The following IER2 variants were observed in gnomAD, a reference collection of about 807,000 sequenced individuals.
IER2 encodes the protein immediate early response gene 2 protein.
For synonymous variants in IER2, 198 were observed against 149.6 expected (o/e 1.32, Z -2.36); for missense variants, 372 against 325.4 (o/e 1.14, Z -1.10).
chr19:13,151,242 G>A (rs1177637381), intron 1 of IER2, among the ~76,000 whole-genome samples: 2 of 152,034 alleles, frequency 1.3e-5, no homozygotes, highest in East Asian at 1.9e-4. Context: ...ATAGCGCCTG[G>A]GCTGGGGAAA....
Position 13,153,596 on chromosome 19 carries a change from C to G in IER2, c.410C>G (p.Pro137Arg), listed in dbSNP as rs746387526. The change falls in exon 2 of 2, where the codon CCG becomes CGG. Residue 137 changes from proline to arginine, a missense_variant. Physicochemically the swap from Pro to Arg is moderately radical, Grantham distance 103. Transcript: ENST00000292433. ...GACGGCGGGGACGCTGGACTGGTCC[C>G]GAGCAAGAAAGCCCGTCTGGAAGAA... ...LSDGGDAGLV[P>R]SKKARLEEKE... 3 of 1,608,008 alleles carry G rather than the reference C, an allele frequency of 1.9e-6. No homozygotes were observed. Among genetic ancestry groups the G allele is most frequent in the Non-Finnish European group, 2.5e-6 (3 of 1,177,512 alleles).
chr19:13,153,945 C>T lies in IER2; in HGVS notation c.*87C>T. The T allele has an allele frequency of 3.4e-6, 4 of 1,193,480 alleles. No individual in the cohort carries two copies. The highest frequency in any genetic ancestry group is 4.4e-6 in the Non-Finnish European group (4 of 898,980). The allele number at this position is 1,193,480 out of a possible 1,614,324, so 73.9% of individuals were successfully genotyped here. ...GACCTGAGGCGAGGCCACCCCCCTC[C>T]ATCCTGGGGGAAGCGCCCGCGAAAA... On this transcript the variant is annotated 3_prime_UTR_variant, in exon 2 of 2. Transcript: ENST00000292433.
At position 13,154,164 on chromosome 19, in the gene IER2, G is replaced by C. The variant is rs192123390; in HGVS notation, c.*306G>C. ...ACGTGAACCTTTCGCTCTCCTTCTG[G>C]ACTGGGAGAAGGGAGGCTTGGGTGT... On this transcript the variant is annotated 3_prime_UTR_variant, in exon 2 of 2. Transcript: ENST00000292433. 1.4e-4 allele frequency: 56 copies of C among 402,836 alleles called. No homozygotes were observed. The East Asian group carries it at 2.3e-3, about 16-fold the overall frequency. The allele number at this position is 402,836 out of a possible 1,614,324, so 25.0% of individuals were successfully genotyped here.
At position 13,153,531 on chromosome 19, in the gene IER2, C is replaced by T. The variant is rs750183739; in HGVS notation, c.345C>T (p.Pro115=). Residue 115 remains proline, a synonymous_variant, in exon 2 of 2, where the codon CCC becomes CCT. Transcript: ENST00000292433. ...CCTCCGCCTGCTGTGCCCCGCGCCC[C>T]GCCAAAGTCAGCCGCAAACGACGCA... ...EETSACCAPR[P]AKVSRKRRSS... 1.0e-5 allele frequency: 16 copies of T among 1,585,784 alleles called. No individual in the cohort carries two copies. The highest frequency in any genetic ancestry group is 5.7e-5 in the South Asian group (5 of 88,206).
Position 13,154,570 on chromosome 19 carries a change from C to T in IER2, c.*712C>T, listed in dbSNP as rs2020106924. 1 of 167,214 alleles carries T rather than the reference C, an allele frequency of 6.0e-6. No homozygotes were observed. Among genetic ancestry groups the T allele is most frequent in the South Asian group, 2.0e-4 (1 of 4,896 alleles). 10.4% of individuals were successfully genotyped at this position (167,214 alleles called of 1,614,324 possible). ...GGGAGCGGGGACTGATCTACTTTCA[C>T]ATTCTCAAGTTTTTCTCATCTGCAT... On this transcript the variant is annotated 3_prime_UTR_variant, in exon 2 of 2. Transcript: ENST00000292433.
In IER2 at chr19:13,153,408, C is replaced by T; in HGVS notation, c.222C>T (p.Pro74=). The T allele has an allele frequency of 6.3e-7, 1 of 1,591,826 alleles. No individual in the cohort carries two copies. The highest frequency in any genetic ancestry group is 8.5e-7 in the Non-Finnish European group (1 of 1,172,044). The stretch of plus-strand genomic sequence containing the variant: ...CCTCTGACCCTCGCCTGCACCCGCC[C>T]CGAGAAGCCGAGTCCACGGCCGAGA... ...ALPSDPRLHP[P]REAESTAETA... is the part of the protein sequence containing the mutation. The change falls in exon 2 of 2, where the codon CCC becomes CCT. Residue 74 remains proline, a synonymous_variant. Coordinates refer to ENST00000292433, the MANE Select transcript of IER2 (RefSeq NM_004907.3).
intron 1 of IER2, chr19:13,152,351 C>G (rs2020076942): frequency 6.6e-6 from 1 of 152,286 alleles, no homozygotes; most frequent in Non-Finnish European, 1.5e-5. Context: ...GAACCCGTAG[C>G]CCGGGGCGGG....
Position 13,153,860 on chromosome 19 carries a change from G to A in IER2, c.*2G>A, listed in dbSNP as rs1180298068. 2.8e-6 allele frequency: 4 copies of A among 1,417,670 alleles called. No homozygotes were observed. The African/African-American group carries it at 4.6e-5, about 16-fold the overall frequency. 87.8% of individuals were successfully genotyped at this position (1,417,670 alleles called of 1,614,324 possible). ...GTGCGGGCCGTGGTGGCCTTCTGAG[G>A]ACCCCGAGCGGCGCTGCCGGAGCCC... is the stretch of plus-strand genomic sequence containing the variant. On this transcript the variant is annotated 3_prime_UTR_variant, in exon 2 of 2. Transcript: ENST00000292433.
chr19:13,154,218 T>C lies in IER2; in HGVS notation c.*360T>C, dbSNP rs2020102594. 1 of 272,192 alleles carries C rather than the reference T, an allele frequency of 3.7e-6. No individual in the cohort carries two copies. Among genetic ancestry groups the C allele is most frequent in the Non-Finnish European group, 7.3e-6 (1 of 136,894 alleles). 16.9% of individuals were successfully genotyped at this position (272,192 alleles called of 1,614,324 possible). A position where few individuals can be genotyped will look rare whatever the true frequency, so the allele number is the denominator to read the frequency against. ...GTTTTTTGTTTTGTTTGTTTGTTTG[T>C]TTTTAAAGATCTCCTCAGGGTCGGA... is the stretch of plus-strand genomic sequence containing the variant. On this transcript the variant is annotated 3_prime_UTR_variant, in exon 2 of 2. Transcript: ENST00000292433.
rs1274104883 is a variant in IER2, at chr19:13,153,078, C to T, written c.-109C>T. 6.5e-6 allele frequency: 5 copies of T among 767,642 alleles called. No individual in the cohort carries two copies. The highest frequency in any genetic ancestry group is 2.5e-4 in the Middle Eastern group (1 of 4,064). The allele number at this position is 767,642 out of a possible 1,614,324, so 47.6% of individuals were successfully genotyped here. A position where few individuals can be genotyped will look rare whatever the true frequency, so the allele number is the denominator to read the frequency against. On this transcript the variant is annotated 5_prime_UTR_variant, in exon 2 of 2. Coordinates refer to ENST00000292433, the MANE Select transcript of IER2 (RefSeq NM_004907.3). ...GCAGAGCGTCCTAGCAGTGTCACTG[C>T]GTGGGTTGGTTTGTGTAGAGAGGCG...
chr19:13,150,640 A>C lies in IER2; in HGVS notation c.-244+88A>C. 6.2e-6 allele frequency: 1 copy of C among 160,564 alleles called. No individual in the cohort carries two copies. Among genetic ancestry groups the C allele is most frequent in the Non-Finnish European group, 1.4e-5 (1 of 73,282 alleles). 9.9% of individuals were successfully genotyped at this position (160,564 alleles called of 1,614,324 possible). On this transcript the variant is annotated intron_variant, in intron 1 of 1. Transcript: ENST00000292433. This position sits in a 1 kb window ranked among gnomAD's most constrained non-coding sequence, Gnocchi z 4.0. ...TTCGATTCGTTGAAGCTTTTCATGG[A>C]CTCCCTGAGCTGGCACCTGGGAGAT...
chr19:13,153,590 TG>T lies in IER2; in HGVS notation c.406del (p.Val136SerfsTer51), dbSNP rs1568396790. The T allele has an allele frequency of 1.9e-6, 3 of 1,606,434 alleles. No individual in the cohort carries two copies. ...CTGAGCGACGGCGGGGACGCTGGAC[TG>T]GTCCCGAGCAAGAAAGCCCGTCTGG... ...SSLSDGGDAG[L>X]VPSKKARLEE... is the part of the protein sequence containing the mutation. On this transcript the variant is annotated frameshift_variant, in exon 2 of 2. Transcript: ENST00000292433. LOFTEE classifies it low-confidence loss of function (END_TRUNC).
chr19:13,153,984 C>T lies in IER2; in HGVS notation c.*126C>T. Reference sequence around the variant, plus strand: ...CGCCCGCGAAAACCGTGGAGAGAAGCCGCCGCCCGGGCTGCTGAGAGGCCC... The same window carrying T: ...CGCCCGCGAAAACCGTGGAGAGAAGTCGCCGCCCGGGCTGCTGAGAGGCCC... On this transcript the variant is annotated 3_prime_UTR_variant, in exon 2 of 2. Coordinates refer to ENST00000292433, the MANE Select transcript of IER2 (RefSeq NM_004907.3). 1 of 824,538 alleles carries T rather than the reference C, an allele frequency of 1.2e-6. No homozygotes were observed. The highest frequency in any genetic ancestry group is 1.8e-6 in the Non-Finnish European group (1 of 563,676). 51.1% of individuals were successfully genotyped at this position (824,538 alleles called of 1,614,324 possible).
At position 13,152,951 on chromosome 19, in the gene IER2, T is replaced by A; in HGVS notation, c.-236T>A. 5.1e-6 allele frequency: 2 copies of A among 389,228 alleles called. No individual in the cohort carries two copies. Among genetic ancestry groups the A allele is most frequent in the Non-Finnish European group, 9.2e-6 (2 of 218,416 alleles). The allele number at this position is 389,228 out of a possible 1,614,324, so 24.1% of individuals were successfully genotyped here. On this transcript the variant is annotated 5_prime_UTR_variant, in exon 2 of 2. Transcript: ENST00000292433. ...GCATTCTGTCTCTTTAAGGAGTGTT[T>A]GGCCGCGACGAGTTGGAAAGCCCGG...
At position 13,153,115 on chromosome 19, in the gene IER2, G is replaced by A. The variant is rs1371095444; in HGVS notation, c.-72G>A. 2.8e-5 allele frequency: 33 copies of A among 1,187,122 alleles called. No individual in the cohort carries two copies. Among genetic ancestry groups the A allele is most frequent in the Middle Eastern group, 2.0e-4 (1 of 5,026 alleles). The allele number at this position is 1,187,122 out of a possible 1,614,324, so 73.5% of individuals were successfully genotyped here. ...TGTGTAGAGAGGCGTGAGCGAGCCC[G>A]TTGTCCGGAGTGCACCTGCTGCCTG... On this transcript the variant is annotated 5_prime_UTR_variant, in exon 2 of 2. Transcript: ENST00000292433.
chr19:13,153,494 C>T lies in IER2; in HGVS notation c.308C>T (p.Thr103Ile), dbSNP rs1457701890. Residue 103 changes from threonine (T) to isoleucine (I), a missense_variant, in exon 2 of 2, where the codon ACA (threonine) becomes ATA (isoleucine). Coordinates refer to ENST00000292433, the MANE Select transcript of IER2 (RefSeq NM_004907.3). ...PEPMDTQEAPTAEETSACCAP... is the reference protein window; with the variant it reads ...PEPMDTQEAPIAEETSACCAP... ...CCAATGGACACGCAGGAGGCGCCGA[C>T]AGCCGAGGAGACCTCCGCCTGCTGT... 6.3e-6 allele frequency: 10 copies of T among 1,586,092 alleles called. No homozygotes were observed. The South Asian group carries it at 1.0e-4, about 16-fold the overall frequency.
Position 13,153,342 on chromosome 19 carries a change from G to T in IER2, c.156G>T (p.Val52=). The T allele has an allele frequency of 6.2e-7, 1 of 1,601,028 alleles. No individual in the cohort carries two copies. The highest frequency in any genetic ancestry group is 8.5e-7 in the Non-Finnish European group (1 of 1,174,818). Residue 52 remains valine (V), a synonymous_variant, in exon 2 of 2, where the codon GTG becomes GTT. Coordinates refer to ENST00000292433, the MANE Select transcript of IER2 (RefSeq NM_004907.3). ...SARELYLSAK[V]EALEPEVSLP... Reference sequence around the variant, plus strand: ...GGGAGCTCTACCTCTCGGCCAAGGTGGAGGCCCTCGAGCCCGAGGTGTCGT... The same window carrying T: ...GGGAGCTCTACCTCTCGGCCAAGGTTGAGGCCCTCGAGCCCGAGGTGTCGT...
Position 13,153,079 on chromosome 19 carries a change from G to A in IER2, c.-108G>A, listed in dbSNP as rs562456044. The A allele has an allele frequency of 7.7e-6, 6 of 777,870 alleles. No homozygotes were observed. In the South Asian group the frequency reaches 1.0e-4, roughly 13 times the overall value. 48.2% of individuals were successfully genotyped at this position (777,870 alleles called of 1,614,324 possible). On this transcript the variant is annotated 5_prime_UTR_variant, in exon 2 of 2. It adds an upstream start codon to the 5' untranslated region. Transcript: ENST00000292433. ...CAGAGCGTCCTAGCAGTGTCACTGC[G>A]TGGGTTGGTTTGTGTAGAGAGGCGT... is the stretch of plus-strand genomic sequence containing the variant.
rs1488836605 is a variant in IER2 at position 13,150,979 on chromosome 19, G to A, written c.-244+427G>A. ...GCGAGCCTGGGGGTAGCGGGTGGTG[G>A]CTTTGAGGATGGTCTCCAGGGGGGC... On this transcript the variant is annotated intron_variant, in intron 1 of 1. Transcript: ENST00000292433. The surrounding 1 kb of genome is among the most constrained non-coding windows in gnomAD (Gnocchi z 4.0). Among the ~76,000 whole-genome samples, 1 of 152,126 alleles carries A rather than the reference G, an allele frequency of 6.6e-6. No homozygotes were observed. Among genetic ancestry groups the A allele is most frequent in the African/African-American group, 2.4e-5 (1 of 41,418 alleles).
Sources: gnomAD v4.1 joint callset for allele counts (sites outside exome capture counted in the v4.1 genomes callset) on GRCh38, gnomAD v4.1.1 for gene constraint, Gnocchi (gnomAD v3.1) non-coding constraint, MANE v1.5 for transcripts, NCBI Gene and HGNC (gene_info 2026-07-23, HGNC 2026-07-21) for gene names.